Variants in SSBP3 observed in about 807,000 individuals in gnomAD.
The protein encoded by SSBP3 is single-stranded DNA-binding protein 3.
A neutral mutation model predicts 69.6 loss-of-function variants in SSBP3; 5 were observed. The ratio of observed to expected loss-of-function variants is 0.07; its 90% CI spans 0.04 to 0.15. The LOEUF (loss-of-function observed/expected upper bound fraction) is 0.15, where lower values mean the gene tolerates loss of function less well. Ranked by LOEUF, SSBP3 falls within the 10% of genes least tolerant of loss-of-function variation. The pLI is 1.00. For synonymous variants in SSBP3, 196 were observed against 193.4 expected (o/e 1.01, Z -0.11); for missense variants, 312 against 534.0 (o/e 0.58, Z 4.10).
intron 5 of SSBP3, among the ~76,000 whole-genome samples, chr1:54,280,946 A>G (rs560201647): frequency 6.6e-5 from 10 of 152,162 alleles, no homozygotes; most frequent in Non-Finnish European, 1.3e-4. Flanking sequence ...ACCAGAGGGA[A>G]AGGATTCTGA....
upstream of SSBP3, among the ~76,000 whole-genome samples, chr1:54,407,534 C>A (rs187126151): frequency 0.026 from 3,930 of 152,100 alleles, 88 homozygotes; most frequent in Non-Finnish European, 0.034. Flanking sequence ...ACTGCGTGCC[C>A]CTCATTAGGG....
At chr1:54,380,994 T>C (rs1647588732) in intron 4 of SSBP3, among the ~76,000 whole-genome samples, 1 of 149,670 alleles carries the variant, frequency 6.7e-6, no homozygotes, top group African/African-American at 2.5e-5. Flanking sequence ...GGCATGGTGG[T>C]ACAAGCCTGT....
chr1:54,333,700 A>G (rs1168172449), intron 4 of SSBP3, among the ~76,000 whole-genome samples: 3 of 152,200 alleles, frequency 2.0e-5, no homozygotes, highest in African/African-American at 7.2e-5. Flanking sequence ...CATCTGTAAA[A>G]CAGAGATAAT....
chr1:54,395,689 T>C (rs1244878296), intron 4 of SSBP3, among the ~76,000 whole-genome samples: 2 of 152,086 alleles, frequency 1.3e-5, no homozygotes, highest in Non-Finnish European at 2.9e-5. Context: ...ATTCTACAGA[T>C]GGGAAAACTG....
chr1:54,391,353 C>T (rs1225050107), intron 4 of SSBP3, among the ~76,000 whole-genome samples: 3 of 152,250 alleles, frequency 2.0e-5, no homozygotes, highest in Non-Finnish European at 2.9e-5. Context: ...GTACCTTGGT[C>T]ATCCAAGTCC....
At chr1:54,409,325 C>T (rs957408075), upstream of SSBP3, among the ~76,000 whole-genome samples, 1 of 152,110 alleles carries the variant, frequency 6.6e-6, no homozygotes, top group East Asian at 1.9e-4. Flanking sequence ...AATCTTATCT[C>T]GTTTTGCTGG....
rs746933473 is a variant in SSBP3 at position 54,276,608 on chromosome 1, C to CAAAAAAAAAAAAAAAAAA, written c.366+4812_366+4829dup. On this transcript the variant is annotated intron_variant, in intron 5 of 17. Transcript: ENST00000610401. ...TGGGTGACAGAGTGAGACTCTGTCTCAAAAAAAAAAAAAAAAAAAAAAAAA... is the reference window on the plus strand; with the variant it reads ...TGGGTGACAGAGTGAGACTCTGTCTCAAAAAAAAAAAAAAAAAAAAAAAAAAAAAAAAAAAAAAAAAAA... Among the ~76,000 whole-genome samples, 13 of 35,214 alleles carry CAAAAAAAAAAAAAAAAAA rather than the reference C, an allele frequency of 3.7e-4. 1 individual carries two copies. Among genetic ancestry groups the CAAAAAAAAAAAAAAAAAA allele is most frequent in the African/African-American group, 1.9e-3 (13 of 6,692 alleles). The allele number at this position is 35,214 out of a possible 152,430, so 23.1% of individuals were successfully genotyped here.
intron 14 of SSBP3, among the ~76,000 whole-genome samples, chr1:54,233,590 G>A (rs1401070804): frequency 3.4e-5 from 5 of 148,502 alleles, no homozygotes; most frequent in African/African-American, 1.2e-4. Flanking sequence ...GGGAGGTGGG[G>A]GGGTCAGCCC....
At chr1:54,369,493 T>C (rs1647090251) in intron 4 of SSBP3, among the ~76,000 whole-genome samples, 1 of 151,820 alleles carries the variant, frequency 6.6e-6, no homozygotes, top group Admixed American at 6.6e-5. Context: ...GTTTGAAGAG[T>C]TATGTGATCA....
chr1:54,381,721 G>A (rs1647669681), intron 4 of SSBP3, among the ~76,000 whole-genome samples: 2 of 152,222 alleles, frequency 1.3e-5, no homozygotes, highest in Admixed American at 1.3e-4. Context: ...GCAAAACTCA[G>A]GTGAGTCCAA....
At chr1:54,386,627 C>T (rs1477937307) in intron 4 of SSBP3, among the ~76,000 whole-genome samples, 1 of 148,882 alleles carries the variant, frequency 6.7e-6, no homozygotes, top group Non-Finnish European at 1.5e-5. Context: ...CCCATCTACC[C>T]TAATTGTGCT....
chr1:54,244,543 A>AG (rs1426761188), intron 9 of SSBP3, among the ~76,000 whole-genome samples: 2 of 152,222 alleles, frequency 1.3e-5, no homozygotes, highest in Non-Finnish European at 1.5e-5. Context: ...CACTGTGCCC[A>AG]GCCAATGTTT....
At chr1:54,329,202 A>G (rs4927093) in intron 4 of SSBP3, among the ~76,000 whole-genome samples, 1 of 151,694 alleles carries the variant, frequency 6.6e-6, no homozygotes, top group Non-Finnish European at 1.5e-5. Flanking sequence ...CATCAAAGGC[A>G]GGGAGGGAGG....
chr1:54,268,206 C>T (rs947605390), intron 5 of SSBP3, among the ~76,000 whole-genome samples: 3 of 152,242 alleles, frequency 2.0e-5, no homozygotes, highest in East Asian at 1.9e-4. Context: ...ATGGGGTGAA[C>T]GTGGCCTTGC....
At chr1:54,358,094 C>A (rs1646896132) in intron 4 of SSBP3, among the ~76,000 whole-genome samples, 2 of 152,200 alleles carry the variant, frequency 1.3e-5, no homozygotes, top group African/African-American at 4.8e-5. Context: ...CATTTTCGAG[C>A]TAAAAAGGAA....
intron 4 of SSBP3, among the ~76,000 whole-genome samples, chr1:54,290,925 ACACACACACACG>A (rs1178303372): frequency 7.2e-5 from 11 of 152,014 alleles, no homozygotes; most frequent in African/African-American, 2.7e-4. Flanking sequence ...CATTAGCAAA[ACACACACACACG>A]CACACACACA....
At chr1:54,289,080 G>GC (rs1645556877) in intron 4 of SSBP3, among the ~76,000 whole-genome samples, 1 of 117,184 alleles carries the variant, frequency 8.5e-6, no homozygotes, top group African/African-American at 3.3e-5. Context: ...ACTCACCCCT[G>GC]TAGTTCCCAG....
chr1:54,253,580 G>GGCCTCTCACTTTCTCCCA (rs1553125920), intron 7 of SSBP3, among the ~76,000 whole-genome samples: 1 of 152,074 alleles, frequency 6.6e-6, no homozygotes, highest in African/African-American at 2.4e-5. Context: ...TAGTTGTTCC[G>GGCCTCTCACTTTCTCCCA]GCCTCTCACT....
intron 4 of SSBP3, among the ~76,000 whole-genome samples, chr1:54,337,485 C>CTTTTTGCTTTTTTTT (rs1646529318): frequency 2.0e-5 from 1 of 51,134 alleles, no homozygotes; most frequent in African/African-American, 9.8e-5. Flanking sequence ...TTTCCTCAAG[C>CTTTTTGCTTTTTTTT]TTTTTTTTTT....
Sources: gnomAD v4.1 joint callset for allele counts (sites outside exome capture counted in the v4.1 genomes callset) on GRCh38, gnomAD v4.1.1 for gene constraint, MANE v1.5 for transcripts, NCBI Gene and HGNC (gene_info 2026-07-23, HGNC 2026-07-21) for gene names.